The following CTNNA3 variants were observed in gnomAD, a reference collection of about 807,000 sequenced individuals.
CTNNA3 encodes the protein catenin alpha 3, also known as catenin alpha-3.
A neutral mutation model predicts 95.7 loss-of-function variants in CTNNA3; 76 were observed. That is an observed-to-expected ratio of 0.79 (90% CI 0.66 to 0.96). CTNNA3 has a LOEUF of 0.96. CTNNA3 is among the 40% of genes least tolerant of loss of function. The pLI is 0.00. For missense variants in CTNNA3, 1,191 were observed against 1,089.8 expected, an observed-to-expected ratio of 1.09 and a Z score of -1.31; for synonymous variants, 431 against 374.4, an observed-to-expected ratio of 1.15 and a Z score of -1.74.
At chr10:66,953,483 A>T (rs1296181463) in intron 7 of CTNNA3, among the ~76,000 whole-genome samples, 2 of 152,136 alleles carry the variant, frequency 1.3e-5, no homozygotes, top group Non-Finnish European at 2.9e-5. Context: ...GTACTTTCCC[A>T]ACAAAGAATA....
chr10:67,750,083 G>A (rs745997815), intron 1 of CTNNA3, among the ~76,000 whole-genome samples: 7 of 152,048 alleles, frequency 4.6e-5, no homozygotes, highest in African/African-American at 1.5e-4. Flanking sequence ...CTATGAACCC[G>A]CCAGAAGGAA....
chr10:66,619,042 A>C (rs1386134211), intron 10 of CTNNA3, among the ~76,000 whole-genome samples: 7 of 152,214 alleles, frequency 4.6e-5, no homozygotes, highest in Admixed American at 2.0e-4. Context: ...AATGGCAATC[A>C]TTAAAATGTC....
intron 11 of CTNNA3, among the ~76,000 whole-genome samples, chr10:66,452,778 T>A (rs574631076): frequency 6.6e-6 from 1 of 152,148 alleles, no homozygotes; most frequent in East Asian, 1.9e-4. Context: ...CCCAGACTGG[T>A]AAACCAACTT....
At chr10:67,173,142 A>T (rs566265454) in intron 7 of CTNNA3, among the ~76,000 whole-genome samples, 1 of 152,192 alleles carries the variant, frequency 6.6e-6, no homozygotes, top group Non-Finnish European at 1.5e-5. Context: ...CTATAAAAAC[A>T]ACCTTTTGAT....
intron 15 of CTNNA3, among the ~76,000 whole-genome samples, chr10:65,991,278 T>C (rs924892872): frequency 6.6e-6 from 1 of 152,130 alleles, no homozygotes; most frequent in African/African-American, 2.4e-5. Flanking sequence ...CATTTAGGAT[T>C]GTTTCTTCTG....
chr10:66,114,927 T>C (rs978704611), intron 13 of CTNNA3, among the ~76,000 whole-genome samples: 3 of 152,016 alleles, frequency 2.0e-5, no homozygotes, highest in Non-Finnish European at 4.4e-5. Context: ...TCAACATATT[T>C]TATTAATTAT....
intron 5 of CTNNA3, among the ~76,000 whole-genome samples, chr10:67,319,078 C>T (rs986755731): frequency 1.3e-5 from 2 of 152,164 alleles, no homozygotes; most frequent in African/African-American, 4.8e-5. Flanking sequence ...TTGGTATGTG[C>T]TAGGCAGAGG....
chr10:66,448,747 C>T (rs565706506), intron 11 of CTNNA3, among the ~76,000 whole-genome samples: 11 of 151,970 alleles, frequency 7.2e-5, no homozygotes, highest in East Asian at 3.9e-4. Flanking sequence ...TTAATGGGTG[C>T]AGCACACCAA....
intron 16 of CTNNA3, among the ~76,000 whole-genome samples, chr10:65,983,235 G>C (rs1316801906): frequency 1.3e-5 from 2 of 151,646 alleles, no homozygotes; most frequent in Non-Finnish European, 3.0e-5. Flanking sequence ...ATTACAAGGA[G>C]GAAGTAATTA....
rs138798862 is a variant in CTNNA3, at chr10:66,379,192, C to T, written c.1692G>A (p.Thr564=). 77 of 1,613,966 alleles carry T rather than the reference C, an allele frequency of 4.8e-5. 1 individual carries two copies. Among genetic ancestry groups the T allele is most frequent in the African/African-American group, 2.4e-4 (18 of 74,906 alleles). ...AGTTAACATTTCTCATTACACCTTC[C>T]GTGTAAGCCCCTGGCTCGTAACTGT... is the stretch of plus-strand genomic sequence containing the variant. ...EMDSYEPGAY[T]EGVMRNVNFL... Residue 564 remains threonine (T), a synonymous_variant, in exon 12 of 18, where the codon ACG becomes ACA. Transcript: ENST00000433211.
chr10:66,185,139 T>A (rs1307317803), intron 13 of CTNNA3, among the ~76,000 whole-genome samples: 1 of 152,218 alleles, frequency 6.6e-6, no homozygotes, highest in East Asian at 1.9e-4. Flanking sequence ...TCTAAATTAG[T>A]TGATTACTAA....
At chr10:67,466,149 CA>C (rs1377080919) in intron 5 of CTNNA3, among the ~76,000 whole-genome samples, 6 of 150,960 alleles carry the variant, frequency 4.0e-5, no homozygotes, top group East Asian at 1.9e-4. Flanking sequence ...TTGTTTCTGC[CA>C]AAAAAAAATT....
rs192870683 is a variant in CTNNA3 at position 67,364,929 on chromosome 10, C to A, written c.580-145059G>T. On this transcript the variant is annotated intron_variant, in intron 5 of 17. Coordinates refer to ENST00000433211, the MANE Select transcript of CTNNA3 (RefSeq NM_013266.4). ...CCCACATAGCCAAGACAATCCTAAGCAAAAAGAACAAAGTTGGAGGCATCA... is the reference window on the plus strand; with the variant it reads ...CCCACATAGCCAAGACAATCCTAAGAAAAAAGAACAAAGTTGGAGGCATCA... 7.9e-3 allele frequency among the ~76,000 whole-genome samples: 1,208 copies of A among 152,144 alleles called. 25 individuals carry two copies. Among genetic ancestry groups the A allele is most frequent in the African/African-American group, 0.027 (1,141 of 41,492 alleles).
chr10:67,106,695 A>T (rs890286623), intron 7 of CTNNA3, among the ~76,000 whole-genome samples: 8 of 152,196 alleles, frequency 5.3e-5, no homozygotes, highest in Non-Finnish European at 1.2e-4. Flanking sequence ...CAGTTGACTG[A>T]TATATTGAAA....
chr10:67,078,735 C>T (rs1289367874), intron 7 of CTNNA3, among the ~76,000 whole-genome samples: 2 of 152,078 alleles, frequency 1.3e-5, no homozygotes, highest in African/African-American at 2.4e-5. Context: ...CCAGGATGGT[C>T]TCAATCTCCT....
chr10:67,089,463 G>A (rs10822972), intron 7 of CTNNA3, among the ~76,000 whole-genome samples: 53,524 of 151,698 alleles, frequency 0.35, 9,806 homozygotes, highest in Middle Eastern at 0.53. Context: ...CCATTGGAAT[G>A]CTAAAGAGTT....
At chr10:67,503,430 A>G (rs979754989) in intron 5 of CTNNA3, among the ~76,000 whole-genome samples, 5 of 152,032 alleles carry the variant, frequency 3.3e-5, no homozygotes, top group African/African-American at 1.2e-4. Flanking sequence ...TTGCCCCTAT[A>G]TGTCTATCTT....
chr10:66,885,721 A>C (rs986951268), intron 7 of CTNNA3, among the ~76,000 whole-genome samples: 3 of 152,210 alleles, frequency 2.0e-5, no homozygotes, highest in African/African-American at 7.2e-5. Flanking sequence ...ATATCTTAAA[A>C]ATCATAAGAA....
At chr10:66,785,999 A>C (rs1840724703) in intron 7 of CTNNA3, among the ~76,000 whole-genome samples, 1 of 152,110 alleles carries the variant, frequency 6.6e-6, no homozygotes, top group Non-Finnish European at 1.5e-5. Context: ...TCTTGTTGCC[A>C]TTCCAGGTAG....
Sources: gnomAD v4.1 joint callset for allele counts (sites outside exome capture counted in the v4.1 genomes callset) on GRCh38, gnomAD v4.1.1 for gene constraint, MANE v1.5 for transcripts, NCBI Gene and HGNC (gene_info 2026-07-23, HGNC 2026-07-21) for gene names.